Variants in AHCYL2 observed in about 807,000 individuals in gnomAD.
AHCYL2 encodes S-adenosylhomocysteine hydrolase-like protein 2.
A neutral mutation model predicts 81.4 loss-of-function variants in AHCYL2; 28 were observed. The ratio of observed to expected loss-of-function variants is 0.34; its 90% CI spans 0.25 to 0.47. AHCYL2 has a LOEUF of 0.47. Among genes scored for constraint, AHCYL2 ranks in the 20% least tolerant of loss-of-function variants. The pLI is 1.00. For synonymous variants in AHCYL2, 272 were observed against 290.2 expected (o/e 0.94, Z 0.64); for missense variants, 551 against 785.1 (o/e 0.70, Z 3.56).
In AHCYL2 at chr7:129,389,179, A is replaced by C; in HGVS notation, c.599A>C (p.Glu200Ala). ...NIKQAEFGRR[E>A]IEIAEQEMPA... is the part of the protein sequence containing the mutation. ...AAACAGGCAGAGTTTGGACGAAGAGAAATTGAAATTGCTGAACAAGGTAAA... is the reference window on the plus strand; with the variant it reads ...AAACAGGCAGAGTTTGGACGAAGAGCAATTGAAATTGCTGAACAAGGTAAA... The change falls in exon 3 of 17, where the codon GAA becomes GCA. Residue 200 changes from glutamate to alanine, a missense_variant. Glu to Ala is a moderately radical substitution (Grantham distance 107). Around this residue, in one of 2 missense-constraint regions of AHCYL2, gnomAD observed 316 missense variants for 543.1 expected, o/e 0.58. Coordinates refer to ENST00000325006, the MANE Select transcript of AHCYL2 (RefSeq NM_015328.4). 6.2e-7 allele frequency: 1 copy of C among 1,614,000 alleles called. No individual in the cohort carries two copies. The highest frequency in any genetic ancestry group is 1.1e-5 in the South Asian group (1 of 91,066).
chr7:129,358,734 A>C lies in AHCYL2; in HGVS notation c.364-20904A>C, dbSNP rs550894074. On this transcript the variant is annotated intron_variant, in intron 1 of 16. Transcript: ENST00000325006. ...GAACTGTATACTTAAAAATGGTTAA[A>C]GTGGTAACTCTTATGTACATTTACC... is the stretch of plus-strand genomic sequence containing the variant. Among the ~76,000 whole-genome samples, 4 of 152,298 alleles carry C rather than the reference A, an allele frequency of 2.6e-5. No homozygotes were observed. In the South Asian group the frequency reaches 8.3e-4, roughly 32 times the overall value.
chr7:129,297,302 C>G (rs1260455660), intron 1 of AHCYL2, among the ~76,000 whole-genome samples: 1 of 152,154 alleles, frequency 6.6e-6, no homozygotes, highest in Non-Finnish European at 1.5e-5. Context: ...GTATGCTTTG[C>G]TTTGAAGTAA....
intron 1 of AHCYL2, chr7:129,283,430 T>A (rs1796519181): frequency 1.1e-5 from 5 of 455,920 alleles, no homozygotes; most frequent in Non-Finnish European, 2.2e-5. Flanking sequence ...GGCAGGTAGG[T>A]AAATCTTATA....
intron 1 of AHCYL2, among the ~76,000 whole-genome samples, chr7:129,325,817 C>T (rs1018039844): frequency 2.0e-5 from 3 of 151,696 alleles, no homozygotes; most frequent in Non-Finnish European, 4.4e-5. Flanking sequence ...GCGATTCTCC[C>T]GCCTCAGCCT....
chr7:129,275,572 A>G (rs917469369), intron 1 of AHCYL2, among the ~76,000 whole-genome samples: 1 of 152,350 alleles, frequency 6.6e-6, no homozygotes, highest in South Asian at 2.1e-4. Flanking sequence ...GCAGGTTAAT[A>G]GTAGCCAAAA....
intron 1 of AHCYL2, among the ~76,000 whole-genome samples, chr7:129,319,466 AAAG>A (rs1471253099): frequency 6.6e-6 from 1 of 152,114 alleles, no homozygotes; most frequent in Non-Finnish European, 1.5e-5. Flanking sequence ...AAAAAAGAAA[AAAG>A]AAAATAATCA....
intron 1 of AHCYL2, among the ~76,000 whole-genome samples, chr7:129,341,108 A>G (rs911885362): frequency 1.3e-5 from 2 of 152,218 alleles, no homozygotes; most frequent in Non-Finnish European, 2.9e-5. Flanking sequence ...TCTTTTCTTC[A>G]AAGTTTATGC....
chr7:129,246,109 AG>A (rs1391513479), intron 1 of AHCYL2, among the ~76,000 whole-genome samples: 1 of 150,204 alleles, frequency 6.7e-6, no homozygotes, highest in Non-Finnish European at 1.5e-5. Flanking sequence ...GCCCAGGATG[AG>A]TGCAATGATG....
At chr7:129,336,770 A>G (rs889981078) in intron 1 of AHCYL2, among the ~76,000 whole-genome samples, 3 of 151,760 alleles carry the variant, frequency 2.0e-5, no homozygotes, top group African/African-American at 7.3e-5. Context: ...TTTTTTTGAG[A>G]CAGGGTCTCA....
At chr7:129,407,136 G>A (rs772746515) in intron 10 of AHCYL2, among the ~76,000 whole-genome samples, 12 of 152,060 alleles carry the variant, frequency 7.9e-5, no homozygotes, top group East Asian at 1.9e-4. Context: ...GATTGCTTGC[G>A]CCCAGGAGTT....
At chr7:129,401,217 G>A (rs567224655) in intron 6 of AHCYL2, among the ~76,000 whole-genome samples, 1 of 152,200 alleles carries the variant, frequency 6.6e-6, no homozygotes, top group South Asian at 2.1e-4. Context: ...AGCTACTTAG[G>A]AGGCTGGGAC....
chr7:129,238,221 A>C (rs1563161893), intron 1 of AHCYL2, among the ~76,000 whole-genome samples: 1 of 152,212 alleles, frequency 6.6e-6, no homozygotes, highest in Non-Finnish European at 1.5e-5. Context: ...TATACAGCTC[A>C]ACTGAGTCTA....
intron 5 of AHCYL2, among the ~76,000 whole-genome samples, chr7:129,399,141 C>CAAAAAAA (rs71162600): frequency 1.1e-4 from 5 of 44,954 alleles, no homozygotes; most frequent in African/African-American, 3.1e-4. Context: ...GACTCCATCT[C>CAAAAAAA]AAAAAAAAAA....
chr7:129,276,191 G>C (rs918806336), intron 1 of AHCYL2, among the ~76,000 whole-genome samples: 1 of 151,934 alleles, frequency 6.6e-6, no homozygotes, highest in African/African-American at 2.4e-5. Flanking sequence ...TATAAATACT[G>C]TGTATCAGAA....
At chr7:129,234,736 T>A (rs1794578925) in intron 1 of AHCYL2, among the ~76,000 whole-genome samples, 1 of 152,164 alleles carries the variant, frequency 6.6e-6, no homozygotes. Context: ...CTTCAAGCAG[T>A]CCTTCTGCCT....
rs1175608941 is a variant in AHCYL2 at position 129,379,699 on chromosome 7, G to T, written c.425G>T (p.Arg142Leu). The change falls in exon 2 of 17, where the codon CGC becomes CTC. Residue 142 changes from arginine to leucine, a missense_variant. Arg to Leu is a moderately radical substitution (Grantham distance 102). Coordinates refer to ENST00000325006, the MANE Select transcript of AHCYL2 (RefSeq NM_015328.4). ...FNKRPTKIGRRSLSRSISQSS... is the reference protein window; with the variant it reads ...FNKRPTKIGRLSLSRSISQSS... ...AAACGTCCCACCAAAATTGGACGTC[G>T]CTCTTTGTCTCGTTCCATTTCTCAG... 6.2e-7 allele frequency: 1 copy of T among 1,614,032 alleles called. No individual in the cohort carries two copies. The highest frequency in any genetic ancestry group is 1.1e-5 in the South Asian group (1 of 91,074).
At chr7:129,413,748 G>C (rs185125971) in intron 12 of AHCYL2, 60 bp downstream of exon 12, 1 of 1,385,372 alleles carries the variant, frequency 7.2e-7, no homozygotes, top group African/African-American at 1.4e-5. Flanking sequence ...AAGCAAACTG[G>C]AAAATGAGAG....
intron 1 of AHCYL2, among the ~76,000 whole-genome samples, chr7:129,243,066 G>T (rs1303732696): frequency 1.4e-5 from 2 of 147,382 alleles, no homozygotes; most frequent in Admixed American, 6.8e-5. Flanking sequence ...TGTCGCCCAG[G>T]CTGGAGTGCA....
chr7:129,370,119 C>A (rs977186825), intron 1 of AHCYL2, among the ~76,000 whole-genome samples: 1 of 152,114 alleles, frequency 6.6e-6, no homozygotes, highest in Non-Finnish European at 1.5e-5. Context: ...CATTAGTGTG[C>A]CAACTCAGAA....
Sources: allele counts gnomAD v4.1 joint callset (sites outside exome capture counted in the v4.1 genomes callset), GRCh38; gene constraint gnomAD v4.1.1; regional missense constraint gnomAD v4.1.1; transcripts MANE v1.5; gene names NCBI Gene and HGNC (gene_info 2026-07-23, HGNC 2026-07-21).